PDXDC1: variants seen among roughly 807,000 people sequenced by gnomAD.
PDXDC1 encodes pyridoxal-dependent decarboxylase domain-containing protein 1.
A neutral mutation model predicts 100.1 loss-of-function variants in PDXDC1; 42 were observed. The observed-to-expected ratio is 0.42, with a 90% CI of 0.33 to 0.54. The LOEUF (loss-of-function observed/expected upper bound fraction) is 0.54. PDXDC1 is among the 20% of genes least tolerant of loss of function. The pLI, the probability that PDXDC1 is intolerant of heterozygous loss-of-function variation, is 0.10. For synonymous variants in PDXDC1, 260 were observed against 371.7 expected (o/e 0.70, Z 3.46); for missense variants, 636 against 979.2 (o/e 0.65, Z 4.68).
At chr16:15,076,081 G>C (rs780177034) in intron 16 of PDXDC1, among the ~76,000 whole-genome samples, 104 of 152,110 alleles carry the variant, frequency 6.8e-4, no homozygotes, top group Middle Eastern at 3.2e-3. Flanking sequence ...CCTCCCAAGT[G>C]AGACCCGGCC....
Position 15,133,382 on chromosome 16 carries a change from A to G in PDXDC1, c.1400-5497A>G, listed in dbSNP as rs1859104940. 7.4e-5 allele frequency: 78 copies of G among 1,053,942 alleles called. 1 individual carries two copies. In the South Asian group the frequency reaches 8.9e-4, roughly 12 times the overall value. 65.3% of individuals were successfully genotyped at this position (1,053,942 alleles called of 1,614,324 possible). On this transcript the variant is annotated intron_variant, in intron 16 of 16. Coordinates refer to the PDXDC1 transcript ENST00000535621. Reference sequence around the variant, plus strand: ...CCCGTGCAGCCAGACTGTGAGCCCCATTGCGCTGCCGTTGGGCTCTGGGAG... The same window carrying G: ...CCCGTGCAGCCAGACTGTGAGCCCCGTTGCGCTGCCGTTGGGCTCTGGGAG...
chr16:15,111,999 C>G (rs1321929209), intron 16 of PDXDC1, among the ~76,000 whole-genome samples: 1 of 147,710 alleles, frequency 6.8e-6, no homozygotes, highest in Admixed American at 6.8e-5. Context: ...CTGCTCTACT[C>G]AGAGTTCACT....
At chr16:15,022,443 A>C (rs1358595520) in intron 12 of PDXDC1, among the ~76,000 whole-genome samples, 2 of 152,418 alleles carry the variant, frequency 1.3e-5, no homozygotes, top group East Asian at 3.9e-4. Context: ...CTTTTGAATG[A>C]CAGACTTACA....
chr16:15,007,090 A>T (rs1163704087), intron 6 of PDXDC1, among the ~76,000 whole-genome samples: 3 of 128,432 alleles, frequency 2.3e-5, no homozygotes, highest in Admixed American at 8.5e-5. Flanking sequence ...CCTGTATTTT[A>T]TTTAGGGTTA....
chr16:15,129,307 G>A (rs1477326635), intron 16 of PDXDC1, among the ~76,000 whole-genome samples: 2 of 151,216 alleles, frequency 1.3e-5, no homozygotes, highest in Non-Finnish European at 2.9e-5. Context: ...GTGTGGTGGC[G>A]TGCACCTGTA....
In PDXDC1 at chr16:15,036,071, C is replaced by A; in HGVS notation, c.2163C>A (p.Ser721Arg). Residue 721 changes from serine to arginine, a missense_variant, in exon 23 of 23, where the codon AGC becomes AGA. Ser to Arg is a moderately radical substitution (Grantham distance 110). This residue lies in a region of PDXDC1 where 452 missense variants were observed against 402.9 expected (regional missense o/e 1.12). Transcript: ENST00000396410. ...LRGSDALSET[S>R]SVSHIEDLEK... ...GTTCAGATGCTTTGAGTGAGACCAGCTCAGTCAGTCACATTGAAGACTTAG... is the reference window on the plus strand; with the variant it reads ...GTTCAGATGCTTTGAGTGAGACCAGATCAGTCAGTCACATTGAAGACTTAG... The A allele has an allele frequency of 6.2e-7, 1 of 1,614,124 alleles. No homozygotes were observed. The highest frequency in any genetic ancestry group is 8.5e-7 in the Non-Finnish European group (1 of 1,179,984).
chr16:15,049,651 C>G (rs1056513393), intron 16 of PDXDC1, among the ~76,000 whole-genome samples: 2 of 152,126 alleles, frequency 1.3e-5, no homozygotes, highest in African/African-American at 4.8e-5. Context: ...GTATCAAACT[C>G]CTGGCCTCAA....
intron 16 of PDXDC1, chr16:15,135,506 G>A: frequency 2.6e-6 from 3 of 1,148,136 alleles, no homozygotes; most frequent in Non-Finnish European, 2.6e-6. Flanking sequence ...CCAGGAGACA[G>A]CGCGGGAGAC....
rs1347463444 is a variant in PDXDC1, at chr16:14,998,773, G to A, written c.161+368G>A. 2.0e-5 allele frequency among the ~76,000 whole-genome samples: 3 copies of A among 152,364 alleles called. No homozygotes were observed. The East Asian group carries it at 5.8e-4, about 29-fold the overall frequency. On this transcript the variant is annotated intron_variant, in intron 3 of 22. Transcript: ENST00000396410. ...CCCGGCCTACATTTTTCTTAAACCA[G>A]TGTCTTATCATCATTGATTTATGGT...
intron 16 of PDXDC1, among the ~76,000 whole-genome samples, chr16:15,128,675 G>A (rs1418940693): frequency 6.6e-6 from 1 of 151,910 alleles, no homozygotes; most frequent in Non-Finnish European, 1.5e-5. Flanking sequence ...GACCCGCACT[G>A]CACACCTGTC....
Position 15,034,354 on chromosome 16 carries a change from A to G in PDXDC1, c.1881A>G (p.Ala627=). ...IQEAQVELQK[A]SEERLLEEGV... is the part of the protein sequence containing the mutation. Reference sequence around the variant, plus strand: ...AAGCTCAAGTGGAGCTGCAGAAGGCAAGTGAAGAACGGCTTCTGGAAGAGG... The same window carrying G: ...AAGCTCAAGTGGAGCTGCAGAAGGCGAGTGAAGAACGGCTTCTGGAAGAGG... Residue 627 remains alanine, a synonymous_variant, in exon 20 of 23, where the codon GCA becomes GCG. Coordinates refer to ENST00000396410, the MANE Select transcript of PDXDC1 (RefSeq NM_015027.4). 2 of 1,613,510 alleles carry G rather than the reference A, an allele frequency of 1.2e-6. No individual in the cohort carries two copies. Among genetic ancestry groups the G allele is most frequent in the East Asian group, 2.2e-5 (1 of 44,880 alleles).
intron 16 of PDXDC1, chr16:15,065,220 T>C: frequency 3.7e-6 from 6 of 1,604,464 alleles, no homozygotes; most frequent in Non-Finnish European, 5.1e-6. Flanking sequence ...AGTACCTACC[T>C]CTTCAGCACA....
At chr16:15,059,997 TA>T (rs11330937) in intron 16 of PDXDC1, 102,441 of 162,752 alleles carry the variant, frequency 0.63, 32,859 homozygotes, top group Admixed American at 0.73. Flanking sequence ...TACATTAAAT[TA>T]AAAAAAAAAA....
At chr16:15,148,473 T>A in the PDXDC1 span, among the ~76,000 whole-genome samples, 4 of 136,936 alleles carry the variant, frequency 2.9e-5, no homozygotes, top group East Asian at 9.7e-4. Flanking sequence ...AGCCTTGACC[T>A]CCTCGGCTCA....
chr16:15,135,873 C>A (rs2048325225), intron 16 of PDXDC1: 3 of 1,563,628 alleles, frequency 1.9e-6, no homozygotes, highest in African/African-American at 2.7e-5. Context: ...ACGACAAACA[C>A]AAAGCAGTAG....
At chr16:15,069,968 G>A in intron 16 of PDXDC1, 1 of 1,449,872 alleles carries the variant, frequency 6.9e-7, no homozygotes, top group Non-Finnish European at 9.5e-7. Context: ...GCAGTTTTCT[G>A]AATCCAGTTT....
At chr16:15,141,968 C>G (rs532733506), downstream of PDXDC1, among the ~76,000 whole-genome samples, 1 of 152,164 alleles carries the variant, frequency 6.6e-6, no homozygotes, top group African/African-American at 2.4e-5. Context: ...GGACCTGAGG[C>G]GCAGCAGCCC....
intron 16 of PDXDC1, among the ~76,000 whole-genome samples, chr16:15,096,254 A>T (rs1264552663): frequency 1.3e-5 from 2 of 151,944 alleles, no homozygotes; most frequent in Non-Finnish European, 2.9e-5. Context: ...GATTACAGGC[A>T]TGCGCCACCA....
At chr16:15,141,239 C>T (rs1480454194), downstream of PDXDC1, among the ~76,000 whole-genome samples, 1 of 152,238 alleles carries the variant, frequency 6.6e-6, no homozygotes, top group Non-Finnish European at 1.5e-5. Flanking sequence ...GAGACGCACA[C>T]ACAGGCTGCC....
Sources: allele counts gnomAD v4.1 joint callset (sites outside exome capture counted in the v4.1 genomes callset), GRCh38; gene constraint gnomAD v4.1.1; regional missense constraint gnomAD v4.1.1; transcripts MANE v1.5; gene names NCBI Gene and HGNC (gene_info 2026-07-23, HGNC 2026-07-21).